The following ADAM12 variants were observed in gnomAD, a reference collection of about 807,000 sequenced individuals.
ADAM12 encodes ADAM metallopeptidase domain 12.
ADAM12 carries 70 observed loss-of-function variants against 106.4 expected under a neutral mutation model. The observed-to-expected ratio is 0.66, with a 90% CI of 0.54 to 0.80. The LOEUF is 0.80. Among genes scored for constraint, ADAM12 ranks in the 30% least tolerant of loss-of-function variants. ADAM12 has a pLI of 0.00. For missense variants in ADAM12, 1,010 were observed against 1,171.9 expected, an observed-to-expected ratio of 0.86 and a Z score of 2.02; for synonymous variants, 420 against 433.5, an observed-to-expected ratio of 0.97 and a Z score of 0.39.
chr10:126,180,297 C>A (rs1391951585), intron 3 of ADAM12, among the ~76,000 whole-genome samples: 2 of 152,144 alleles, frequency 1.3e-5, no homozygotes, highest in African/African-American at 4.8e-5. Context: ...AAGGTCTGAG[C>A]AACAGCAAGG....
chr10:126,207,479 A>C (rs1057016328), intron 3 of ADAM12, among the ~76,000 whole-genome samples: 2 of 152,228 alleles, frequency 1.3e-5, no homozygotes, highest in African/African-American at 4.8e-5. Flanking sequence ...AACATTCTCA[A>C]AGAGTGCTCA....
At chr10:126,281,578 G>T (rs1959583645) in intron 2 of ADAM12, among the ~76,000 whole-genome samples, 1 of 152,158 alleles carries the variant, frequency 6.6e-6, no homozygotes, top group South Asian at 2.1e-4. Flanking sequence ...TAGTAAAGGA[G>T]AAACCAATAG....
At chr10:126,374,736 T>A (rs1385502781) in intron 1 of ADAM12, among the ~76,000 whole-genome samples, 4 of 152,028 alleles carry the variant, frequency 2.6e-5, no homozygotes, top group African/African-American at 7.3e-5. Flanking sequence ...CAACTACATA[T>A]AACAAAAGTT....
At chr10:126,178,939 C>T (rs1258871348) in intron 3 of ADAM12, among the ~76,000 whole-genome samples, 1 of 152,046 alleles carries the variant, frequency 6.6e-6, no homozygotes, top group Admixed American at 6.5e-5. Flanking sequence ...CCCAGCTACT[C>T]GAGAGGCTGA....
At chr10:126,249,060 A>G (rs1958689987) in intron 3 of ADAM12, among the ~76,000 whole-genome samples, 1 of 152,118 alleles carries the variant, frequency 6.6e-6, no homozygotes, top group Admixed American at 6.5e-5. Context: ...TAAAATTATT[A>G]TCCTTACTTT....
chr10:126,101,308 T>C, intron 8 of ADAM12, 67 bp from the exon 9 acceptor site: 1 of 1,532,110 alleles, frequency 6.5e-7, no homozygotes, highest in Non-Finnish European at 9.0e-7. Flanking sequence ...AAATGAAAAT[T>C]AGAACAGATT....
chr10:126,213,909 T>C (rs1465235875), intron 3 of ADAM12, among the ~76,000 whole-genome samples: 1 of 152,238 alleles, frequency 6.6e-6, no homozygotes, highest in Non-Finnish European at 1.5e-5. Context: ...AAGTTCCTTC[T>C]ATTAGAAAGC....
At chr10:126,288,762 G>T (rs1960003876) in intron 2 of ADAM12, among the ~76,000 whole-genome samples, 1 of 151,724 alleles carries the variant, frequency 6.6e-6, no homozygotes, top group Non-Finnish European at 1.5e-5. Flanking sequence ...AATGGCCCAG[G>T]GACAGGACTA....
intron 14 of ADAM12, among the ~76,000 whole-genome samples, chr10:126,062,335 G>C (rs1427115145): frequency 6.6e-6 from 1 of 152,192 alleles, no homozygotes; most frequent in Admixed American, 6.5e-5. Context: ...ACCAGGGAGA[G>C]AGTGGGTGGG....
At chr10:126,048,880 T>A (rs1954397445) in intron 16 of ADAM12, among the ~76,000 whole-genome samples, 1 of 152,166 alleles carries the variant, frequency 6.6e-6, no homozygotes, top group Non-Finnish European at 1.5e-5. Flanking sequence ...ACATCTGATT[T>A]CCCATTCTGT....
At position 126,094,361 on chromosome 10, in the gene ADAM12, G is replaced by A. The variant is rs554395457; in HGVS notation, c.997-228C>T. ...TTCGGCTGAGGAATGTCTGTATGCC[G>A]CACGTATACATGTGTGATTCTTTAT... On this transcript the variant is annotated intron_variant, in intron 10 of 22. Transcript: ENST00000448723. 2.1e-3 allele frequency among the ~76,000 whole-genome samples: 326 copies of A among 152,162 alleles called. 1 individual carries two copies. Among genetic ancestry groups the A allele is most frequent in the Non-Finnish European group, 3.5e-3 (238 of 68,004 alleles).
intron 3 of ADAM12, among the ~76,000 whole-genome samples, chr10:126,241,558 G>A (rs1209381117): frequency 6.6e-6 from 1 of 152,088 alleles, no homozygotes; most frequent in Non-Finnish European, 1.5e-5. Flanking sequence ...GCCTCTATTG[G>A]GCCAATGTTC....
chr10:126,183,220 G>T (rs569127636), intron 3 of ADAM12, among the ~76,000 whole-genome samples: 1 of 152,262 alleles, frequency 6.6e-6, no homozygotes, highest in South Asian at 2.1e-4. Context: ...CATATTATGA[G>T]TTGTATAATT....
chr10:126,176,989 G>C (rs559653810), intron 3 of ADAM12, among the ~76,000 whole-genome samples: 111 of 152,200 alleles, frequency 7.3e-4, no homozygotes, highest in African/African-American at 2.6e-3. Flanking sequence ...ATCTGTCATT[G>C]GGTCACCTTT....
rs77659990 is a variant in ADAM12, at chr10:126,244,694, G to A, written c.260+34221C>T. The stretch of plus-strand genomic sequence containing the variant: ...AAATGTCATATCTCAGGGAGCTCAT[G>A]CACCATTAGTATAAGCAGACCTATT... On this transcript the variant is annotated intron_variant, in intron 3 of 22. Transcript: ENST00000448723. Among the ~76,000 whole-genome samples the A allele has an allele frequency of 3.6e-4, 55 of 152,330 alleles. 2 individuals are homozygous for A. The East Asian group carries it at 9.8e-3, about 27-fold the overall frequency.
chr10:126,356,127 C>T (rs996477641), intron 1 of ADAM12, among the ~76,000 whole-genome samples: 17 of 152,212 alleles, frequency 1.1e-4, no homozygotes, highest in African/African-American at 3.9e-4. Flanking sequence ...AAACCTCAAG[C>T]ATACATTTCT....
chr10:126,375,176 A>G (rs182538492), intron 1 of ADAM12, among the ~76,000 whole-genome samples: 63 of 151,716 alleles, frequency 4.2e-4, no homozygotes, highest in Admixed American at 1.7e-3. Flanking sequence ...TGCTACTCAG[A>G]GACCTTCAAT....
In ADAM12 at chr10:126,049,638, C is replaced by T; in HGVS notation, c.1641G>A (p.Glu547=). Residue 547 remains glutamate (E), a synonymous_variant, in exon 15 of 23, where the codon GAG becomes GAA. Transcript: ENST00000448723. This position sits in a 1 kb window ranked among gnomAD's most constrained non-coding sequence, Gnocchi z 4.4. ...GAKPAPGICF[E]RVNSAGDPYG... The stretch of plus-strand genomic sequence containing the variant: ...AAGGATCACCTGCAGAATTGACTCT[C>T]TCAAAGCAGATCCCAGGGGCAGGTT... 6.2e-7 allele frequency: 1 copy of T among 1,614,190 alleles called. No homozygotes were observed. The highest frequency in any genetic ancestry group is 8.5e-7 in the Non-Finnish European group (1 of 1,180,036).
chr10:126,317,717 C>T (rs746819135), intron 2 of ADAM12, among the ~76,000 whole-genome samples: 1 of 152,092 alleles, frequency 6.6e-6, no homozygotes, highest in Non-Finnish European at 1.5e-5. Flanking sequence ...ATAGGTACAT[C>T]CATAAAGAGC....
Sources: allele counts gnomAD v4.1 joint callset (sites outside exome capture counted in the v4.1 genomes callset), GRCh38; gene constraint gnomAD v4.1.1; non-coding constraint Gnocchi (gnomAD v3.1); transcripts MANE v1.5; gene names NCBI Gene and HGNC (gene_info 2026-07-23, HGNC 2026-07-21).